The following NXF2B variants were observed in gnomAD, a reference collection of about 807,000 sequenced individuals.
The protein encoded by NXF2B is nuclear RNA export factor 2.
chrX:102,405,110 T>G (rs1602454858), intron 2 of NXF2B, among the ~76,000 whole-genome samples: 1 of 83,733 alleles, frequency 1.2e-5, no homozygotes, highest in Non-Finnish European at 2.3e-5. Context: ...TGGAACCCCG[T>G]CTCTACTAAA....
intron 2 of NXF2B, among the ~76,000 whole-genome samples, chrX:102,398,099 T>A: frequency 1.9e-5 from 1 of 52,927 alleles, no homozygotes; most frequent in African/African-American, 9.4e-5. Context: ...AATAGACAAT[T>A]CTCAAAAAAA....
At chrX:102,376,956 ACT>A (rs1394851977) in intron 1 of NXF2B, among the ~76,000 whole-genome samples, 1 of 111,102 alleles carries the variant, frequency 9.0e-6, no homozygotes, top group Non-Finnish European at 1.9e-5. Flanking sequence ...AATTCTAGAA[ACT>A]CTGCAATGGC....
intron 2 of NXF2B, among the ~76,000 whole-genome samples, chrX:102,398,022 A>G (rs1307263568): frequency 1.0e-5 from 1 of 96,084 alleles, no homozygotes; most frequent in Non-Finnish European, 2.1e-5. Flanking sequence ...TCCAGAATCT[A>G]CAAGAAACTC....
chrX:102,405,019 C>T (rs1160706615), intron 2 of NXF2B, among the ~76,000 whole-genome samples: 4 of 49,699 alleles, frequency 8.0e-5, no homozygotes, highest in South Asian at 1.3e-3. Flanking sequence ...TGGTGGCTCA[C>T]GGCTGTAATC....
intron 1 of NXF2B, among the ~76,000 whole-genome samples, chrX:102,377,130 A>G (rs1934239133): frequency 9.4e-6 from 1 of 106,419 alleles, no homozygotes; most frequent in African/African-American, 3.4e-5. Flanking sequence ...GGTAAATTGT[A>G]TGTGTGTGAG....
At chrX:102,405,156 G>T (rs2147823205) in intron 2 of NXF2B, among the ~76,000 whole-genome samples, 1 of 94,801 alleles carries the variant, frequency 1.1e-5, no homozygotes, top group Non-Finnish European at 2.1e-5. Flanking sequence ...CGGGCGTGGT[G>T]GCGGGCACCT....
chrX:102,420,531 AT>A (rs1462205162), intron 2 of NXF2B, among the ~76,000 whole-genome samples: 1 of 104,968 alleles, frequency 9.5e-6, no homozygotes, highest in Non-Finnish European at 2.0e-5. Context: ...CCCCTTTATC[AT>A]TTTTTATTGC....
intron 2 of NXF2B, among the ~76,000 whole-genome samples, chrX:102,392,405 G>C (rs1934288311): frequency 1.1e-5 from 1 of 93,127 alleles, no homozygotes; most frequent in South Asian, 4.3e-4. Flanking sequence ...AGGGCGCCAA[G>C]AGCTACCTTT....
intron 2 of NXF2B, among the ~76,000 whole-genome samples, chrX:102,408,010 GAAC>G (rs1447651722): frequency 9.7e-6 from 1 of 102,829 alleles, no homozygotes; most frequent in Non-Finnish European, 2.1e-5. Flanking sequence ...TTAATAACTA[GAAC>G]AACTTTTTGA....
chrX:102,398,156 GA>G (rs1408303262), intron 2 of NXF2B, among the ~76,000 whole-genome samples: 1 of 75,811 alleles, frequency 1.3e-5, no homozygotes, highest in East Asian at 4.5e-4. Context: ...ACAAACATAT[GA>G]AAAAAAATGC....
chrX:102,426,942 A>C (rs1934434377), intron 2 of NXF2B: 1 of 66,149 alleles, frequency 1.5e-5, no homozygotes, highest in Admixed American at 1.4e-4. Flanking sequence ...TGATCAGTGC[A>C]TCCCAGATCC....
intron 1 of NXF2B, among the ~76,000 whole-genome samples, chrX:102,377,126 TTGTA>T (rs1256246824): frequency 4.9e-4 from 54 of 109,874 alleles, no homozygotes; most frequent in Non-Finnish European, 8.8e-4. Flanking sequence ...CTCTGGTAAA[TTGTA>T]TGTGTGTGAG....
In NXF2B at chrX:102,412,594, G is replaced by GGAAGAAGAAGAAGAAGAA. The variant is rs1251891728; in HGVS notation, c.-54+25941_-54+25958dup. The stretch of plus-strand genomic sequence containing the variant: ...AAGAAGAGGAAGAGGAAGAGGAAGA[G>GGAAGAAGAAGAAGAAGAA]GAAGAAGAAGAAGAAGAAGAAGAAG... On this transcript the variant is annotated intron_variant, in intron 2 of 22. Transcript: ENST00000602195. Among the ~76,000 whole-genome samples the GGAAGAAGAAGAAGAAGAA allele has an allele frequency of 2.8e-3, 14 of 4,963 alleles. 1 individual carries two copies. The highest frequency in any genetic ancestry group is 0.02 in the East Asian group (6 of 301). The allele number at this position is 4,963 out of a possible 115,157, so 4.3% of individuals were successfully genotyped here.
chrX:102,412,591 AGAG>A (rs782595751), intron 2 of NXF2B, among the ~76,000 whole-genome samples: 11 of 23,831 alleles, frequency 4.6e-4, no homozygotes, highest in Admixed American at 9.8e-4. Context: ...AGGAAGAGGA[AGAG>A]GAAGAAGAAG....
intron 2 of NXF2B, among the ~76,000 whole-genome samples, chrX:102,396,969 G>A (rs1390290968): frequency 1.1e-5 from 1 of 87,982 alleles, no homozygotes; most frequent in Non-Finnish European, 2.3e-5. Flanking sequence ...ATCTCATTGT[G>A]GTTTTGATTT....
At chrX:102,432,694 G>T (rs1355996876) in intron 2 of NXF2B, among the ~76,000 whole-genome samples, 3 of 62,269 alleles carry the variant, frequency 4.8e-5, no homozygotes, top group Non-Finnish European at 1.2e-4. Context: ...TAAAGAAATA[G>T]ATTTTTTTTT....
At chrX:102,405,003 C>T (rs1286634912) in intron 2 of NXF2B, among the ~76,000 whole-genome samples, 9 of 37,309 alleles carry the variant, frequency 2.4e-4, no homozygotes, top group Admixed American at 1.0e-3. Context: ...CAACTCTGGC[C>T]GGGCGTGGTG....
chrX:102,432,593 TGC>T (rs1934455286), intron 2 of NXF2B, among the ~76,000 whole-genome samples: 1 of 81,328 alleles, frequency 1.2e-5, no homozygotes, highest in Admixed American at 1.2e-4. Flanking sequence ...TGGCAAACAT[TGC>T]CGAGTGTGTG....
At chrX:102,377,175 TGTGTGTGTGAGA>T (rs1934240850) in intron 1 of NXF2B, among the ~76,000 whole-genome samples, 1 of 80,042 alleles carries the variant, frequency 1.2e-5, no homozygotes, top group Non-Finnish European at 2.3e-5. Flanking sequence ...TGTGTGTGTG[TGTGTGTGTGAGA>T]GAGAGAGAGC....
Sources: allele counts gnomAD v4.1 joint callset (sites outside exome capture counted in the v4.1 genomes callset), GRCh38; gene constraint gnomAD v4.1.1; transcripts MANE v1.5; gene names NCBI Gene and HGNC (gene_info 2026-07-23, HGNC 2026-07-21).